Variants in KIAA1217 observed in about 807,000 individuals in gnomAD.
KIAA1217 encodes the protein KIAA1217, also known as sickle tail protein homolog.
A neutral mutation model predicts 163.9 loss-of-function variants in KIAA1217; 88 were observed. The ratio of observed to expected loss-of-function variants is 0.54; its 90% confidence interval spans 0.45 to 0.64. The LOEUF is 0.64. KIAA1217 is among the 30% of genes least tolerant of loss of function. The probability of loss-of-function intolerance (pLI) is 0.00; values close to 1 mark genes in which losing one functional copy is unlikely to be tolerated. For missense variants in KIAA1217, 2,372 were observed against 2,475.0 expected (o/e 0.96, Z 0.88); for synonymous variants, 903 against 923.1 (o/e 0.98, Z 0.39).
intron 2 of KIAA1217, among the ~76,000 whole-genome samples, chr10:24,195,854 C>G (rs1476875308): frequency 6.6e-6 from 1 of 152,128 alleles, no homozygotes; most frequent in Admixed American, 6.5e-5. Flanking sequence ...ATTGGCTGGG[C>G]GCAGTGGCTC....
chr10:24,199,641 T>C (rs1286962030), intron 2 of KIAA1217, among the ~76,000 whole-genome samples: 1 of 152,220 alleles, frequency 6.6e-6, no homozygotes, highest in Non-Finnish European at 1.5e-5. Context: ...CCAATGGCAA[T>C]TTTTAACTAT....
chr10:23,740,027 G>A (rs1366175583), intron 1 of KIAA1217, among the ~76,000 whole-genome samples: 1 of 138,760 alleles, frequency 7.2e-6, no homozygotes, highest in East Asian at 2.0e-4. Flanking sequence ...ATTTGGTGAA[G>A]ATGGGGGGGT....
At chr10:23,911,880 G>A (rs550667431) in intron 1 of KIAA1217, among the ~76,000 whole-genome samples, 18 of 152,232 alleles carry the variant, frequency 1.2e-4, no homozygotes, top group African/African-American at 4.1e-4. Flanking sequence ...GCTGGTATGA[G>A]TTGAGTTGTG....
chr10:24,252,419 A>C (rs1442051158), intron 2 of KIAA1217, among the ~76,000 whole-genome samples: 6 of 151,906 alleles, frequency 3.9e-5, no homozygotes. Context: ...CCCTACAAAA[A>C]ATAAAAAAAA....
At chr10:24,206,459 T>C (rs2067559737), upstream of KIAA1217, among the ~76,000 whole-genome samples, 1 of 152,210 alleles carries the variant, frequency 6.6e-6, no homozygotes, top group Non-Finnish European at 1.5e-5. Flanking sequence ...ATACAGCTAC[T>C]GTTTTCCAGA....
At chr10:23,905,152 G>C (rs1331383707) in intron 1 of KIAA1217, among the ~76,000 whole-genome samples, 1 of 131,516 alleles carries the variant, frequency 7.6e-6, no homozygotes, top group African/African-American at 2.9e-5. Flanking sequence ...TATGTAGCCT[G>C]TCATCTGAAA....
chr10:24,077,491 T>TA (rs2061404487), intron 2 of KIAA1217, among the ~76,000 whole-genome samples: 1 of 152,226 alleles, frequency 6.6e-6, no homozygotes, highest in African/African-American at 2.4e-5. Flanking sequence ...TCCATCTATG[T>TA]CCCTGCAAAG....
chr10:24,467,488 A>C (rs879711914), intron 5 of KIAA1217, among the ~76,000 whole-genome samples: 1 of 152,230 alleles, frequency 6.6e-6, no homozygotes, highest in Non-Finnish European at 1.5e-5. Context: ...CAGTTGAATG[A>C]ACATTTTCTG....
At chr10:24,321,029 A>G (rs1248499259) in intron 2 of KIAA1217, among the ~76,000 whole-genome samples, 7 of 151,378 alleles carry the variant, frequency 4.6e-5, no homozygotes, top group Non-Finnish European at 8.8e-5. Context: ...CCTGGGCAAC[A>G]GAGCGAGACT....
chr10:23,838,360 G>T (rs1309691754), intron 1 of KIAA1217, among the ~76,000 whole-genome samples: 1 of 152,050 alleles, frequency 6.6e-6, no homozygotes, highest in Admixed American at 6.6e-5. Context: ...TCCCAAAGTA[G>T]AGAAAAATGA....
intron 2 of KIAA1217, among the ~76,000 whole-genome samples, chr10:24,146,252 C>T (rs559327456): frequency 1.3e-5 from 2 of 152,208 alleles, no homozygotes; most frequent in East Asian, 3.9e-4. Context: ...TAGTTTCCCT[C>T]AAAGCATTTG....
At chr10:24,390,486 AAG>A (rs2054744877) in intron 3 of KIAA1217, among the ~76,000 whole-genome samples, 1 of 137,012 alleles carries the variant, frequency 7.3e-6, no homozygotes, top group Non-Finnish European at 1.6e-5. Flanking sequence ...GGAAGGAAGG[AAG>A]GAAGGAAGGA....
At chr10:24,329,583 C>G in intron 2 of KIAA1217, among the ~76,000 whole-genome samples, 1 of 152,098 alleles carries the variant, frequency 6.6e-6, no homozygotes, top group Admixed American at 6.6e-5. Flanking sequence ...ATGAATAGCC[C>G]TGCATTTAGT....
intron 1 of KIAA1217, among the ~76,000 whole-genome samples, chr10:23,721,373 T>C (rs1350759379): frequency 6.6e-6 from 1 of 152,240 alleles, no homozygotes; most frequent in East Asian, 1.9e-4. Flanking sequence ...CCTGACTGAC[T>C]CTGATGGACC....
At position 24,433,099 on chromosome 10, in the gene KIAA1217, C is replaced by G; in HGVS notation, c.658C>G (p.Gln220Glu). ...IRALFVSAFP[Q>E]QLTMKMLESP... ...TGCTCTCTTCGTAAGTGCCTTTCCA[C>G]AGCAGCTCACCATGAAAATGCTGGA... The change falls in exon 4 of 21, where the codon CAG (glutamine) becomes GAG (glutamate). Residue 220 changes from glutamine to glutamate, a missense_variant. Physicochemically the swap from Gln to Glu is conservative, Grantham distance 29 (BLOSUM62 2). Transcript: ENST00000376454. 1 of 1,614,172 alleles carries G rather than the reference C, an allele frequency of 6.2e-7. No individual in the cohort carries two copies. Among genetic ancestry groups the G allele is most frequent in the Non-Finnish European group, 8.5e-7 (1 of 1,180,028 alleles).
intron 2 of KIAA1217, among the ~76,000 whole-genome samples, chr10:24,172,649 G>A (rs2065685959): frequency 1.3e-5 from 2 of 152,134 alleles, no homozygotes; most frequent in Non-Finnish European, 2.9e-5. Context: ...AGACTATATA[G>A]GTGCTGGCCA....
At chr10:24,207,282 T>TCACACACACACA (rs71397934), upstream of KIAA1217, among the ~76,000 whole-genome samples, 1,373 of 140,206 alleles carry the variant, frequency 9.8e-3, 25 homozygotes, top group African/African-American at 0.035. Flanking sequence ...TCTCTCTCTC[T>TCACACACACACA]CACACACACA....
chr10:24,106,644 G>A (rs2062641804), intron 2 of KIAA1217, among the ~76,000 whole-genome samples: 1 of 152,072 alleles, frequency 6.6e-6, no homozygotes, highest in Non-Finnish European at 1.5e-5. Flanking sequence ...TGAATGACGT[G>A]CCAGGAATCA....
At chr10:24,374,994 C>T (rs1339143439) in intron 2 of KIAA1217, among the ~76,000 whole-genome samples, 1 of 152,118 alleles carries the variant, frequency 6.6e-6, no homozygotes, top group Non-Finnish European at 1.5e-5. Context: ...CTAGGTTGCC[C>T]ATGCTGGTCT....
Sources: gnomAD v4.1 joint callset for allele counts (sites outside exome capture counted in the v4.1 genomes callset) on GRCh38, gnomAD v4.1.1 for gene constraint, MANE v1.5 for transcripts, NCBI Gene and HGNC (gene_info 2026-07-23, HGNC 2026-07-21) for gene names.